SYT1: variants seen among roughly 807,000 people sequenced by gnomAD.
SYT1 encodes synaptotagmin-1.
Under a neutral mutation model 44.8 loss-of-function variants are expected in SYT1, and 8 were observed. The observed-to-expected ratio is 0.18, with a 90% CI of 0.10 to 0.32. The LOEUF (loss-of-function observed/expected upper bound fraction) is 0.32, where lower values mean the gene tolerates loss of function less well. Ranked by LOEUF, SYT1 falls within the 10% of genes least tolerant of loss-of-function variation. SYT1 has a pLI of 1.00. For synonymous variants in SYT1, 154 were observed against 188.8 expected, an observed-to-expected ratio of 0.82 and a Z score of 1.51; for missense variants, 286 against 509.3, an observed-to-expected ratio of 0.56 and a Z score of 4.22.
intron 9 of SYT1, among the ~76,000 whole-genome samples, chr12:79,375,558 A>T (rs1883960491): frequency 6.6e-6 from 1 of 152,228 alleles, no homozygotes. Flanking sequence ...CATGATTAGG[A>T]TCCCAGTTCT....
rs552760258 is a variant in SYT1 at position 79,329,724 on chromosome 12, C to T, written c.811-23778C>T. 3.9e-5 allele frequency among the ~76,000 whole-genome samples: 6 copies of T among 152,288 alleles called. No individual in the cohort carries two copies. The South Asian group carries it at 1.2e-3, about 32-fold the overall frequency. On this transcript the variant is annotated intron_variant, in intron 8 of 10. Coordinates refer to ENST00000261205, the MANE Select transcript of SYT1 (RefSeq NM_005639.3). ...TAAGTGGCAAGCCAGAGTTTCCAAG[C>T]TGTGTCTGTCTGACTTAAGGCTTCA...
At chr12:79,086,043 A>G (rs1030158340) in intron 3 of SYT1, among the ~76,000 whole-genome samples, 2 of 152,084 alleles carry the variant, frequency 1.3e-5, no homozygotes. Context: ...TTACTTAACT[A>G]CTCTACAAGC....
At chr12:79,027,880 C>G (rs896083584) in intron 2 of SYT1, among the ~76,000 whole-genome samples, 1 of 151,428 alleles carries the variant, frequency 6.6e-6, no homozygotes, top group Non-Finnish European at 1.5e-5. Flanking sequence ...CATCAACCAC[C>G]GGCCAAATTT....
chr12:79,196,080 G>C (rs1306761756), intron 3 of SYT1, among the ~76,000 whole-genome samples: 2 of 152,170 alleles, frequency 1.3e-5, no homozygotes, highest in African/African-American at 4.8e-5. Flanking sequence ...TGCCCAGCCA[G>C]GTAGTTAAGA....
At chr12:79,425,718 T>TTAAC (rs1178965558) in intron 9 of SYT1, among the ~76,000 whole-genome samples, 2 of 152,226 alleles carry the variant, frequency 1.3e-5, no homozygotes, top group African/African-American at 4.8e-5. Context: ...TACTTAAATT[T>TTAAC]TAACTCCAAA....
intron 1 of SYT1, among the ~76,000 whole-genome samples, chr12:78,875,540 A>G (rs1004969570): frequency 7.9e-5 from 12 of 151,644 alleles, no homozygotes; most frequent in South Asian, 2.1e-4. Flanking sequence ...CAGAAGCTCT[A>G]CAATGGGAAC....
At chr12:79,321,149 A>G (rs1292591020) in intron 8 of SYT1, among the ~76,000 whole-genome samples, 1 of 152,234 alleles carries the variant, frequency 6.6e-6, no homozygotes, top group Non-Finnish European at 1.5e-5. Flanking sequence ...TATTATTAAG[A>G]CAAATTTGCA....
intron 4 of SYT1, among the ~76,000 whole-genome samples, chr12:79,242,993 A>G (rs1037239761): frequency 3.3e-5 from 5 of 152,232 alleles, no homozygotes; most frequent in African/African-American, 4.8e-5. Context: ...ATCATGGCAG[A>G]AGATGAAGGA....
In SYT1 at chr12:79,292,024, A is replaced by C. The variant is rs764257742; in HGVS notation, c.368A>C (p.Asp123Ala). Residue 123 changes from aspartate to alanine, a missense_variant, in exon 6 of 11, where the codon GAT (aspartate) becomes GCT (alanine). Coordinates refer to ENST00000261205, the MANE Select transcript of SYT1 (RefSeq NM_005639.3). ...TMKDQALKDD[D>A]AETGLTDGEE... ...TATACATAGGCCCTCAAGGATGATG[A>C]TGCTGAAACTGGATTGACAGATGGA... The C allele has an allele frequency of 2.5e-6, 4 of 1,613,980 alleles. No individual in the cohort carries two copies. Among genetic ancestry groups the C allele is most frequent in the South Asian group, 1.1e-5 (1 of 91,064 alleles).
At chr12:79,187,298 T>A (rs1020961073) in intron 3 of SYT1, among the ~76,000 whole-genome samples, 10 of 152,080 alleles carry the variant, frequency 6.6e-5, no homozygotes, top group Admixed American at 1.3e-4. Context: ...GTGGGAATAA[T>A]AGGAAGGTCT....
At chr12:79,242,386 T>C (rs926151435) in intron 4 of SYT1, among the ~76,000 whole-genome samples, 2 of 152,164 alleles carry the variant, frequency 1.3e-5, no homozygotes, top group Non-Finnish European at 2.9e-5. Flanking sequence ...TTGGATTGTG[T>C]GAGGACAAGG....
chr12:79,314,213 A>G (rs11830296), intron 8 of SYT1, among the ~76,000 whole-genome samples: 5,052 of 151,786 alleles, frequency 0.033, 155 homozygotes, highest in East Asian at 0.11. Context: ...TTTGTTATTA[A>G]AAACATTGGT....
At chr12:78,993,796 T>G (rs781464791) in intron 2 of SYT1, among the ~76,000 whole-genome samples, 3 of 152,170 alleles carry the variant, frequency 2.0e-5, no homozygotes, top group Non-Finnish European at 2.9e-5. Context: ...CAATATGCAA[T>G]TGCTTTTAAG....
intron 1 of SYT1, among the ~76,000 whole-genome samples, chr12:78,901,466 G>A (rs1776126039): frequency 6.6e-6 from 1 of 151,980 alleles, no homozygotes; most frequent in Non-Finnish European, 1.5e-5. Context: ...AGCAAAGGGA[G>A]GTCTTTTATA....
rs199701558 is a variant in SYT1 at position 79,296,039 on chromosome 12, A to G, written c.475-30A>G. ...TTTTCCAAAATGTCCACTGATATTT[A>G]TGTATGCTGTATTCTGTCATTTATT... On this transcript the variant is annotated intron_variant, in intron 6 of 10. Coordinates refer to ENST00000261205, the MANE Select transcript of SYT1 (RefSeq NM_005639.3). 3.2e-6 allele frequency: 5 copies of G among 1,580,386 alleles called. No homozygotes were observed. The South Asian group carries it at 3.5e-5, about 11-fold the overall frequency.
At chr12:79,026,560 T>C (rs1872537464) in intron 2 of SYT1, among the ~76,000 whole-genome samples, 1 of 150,036 alleles carries the variant, frequency 6.7e-6, no homozygotes, top group Non-Finnish European at 1.5e-5. Flanking sequence ...GGTTTTTAGC[T>C]ATTAGAATAT....
At chr12:79,078,101 A>G (rs746642078) in intron 3 of SYT1, among the ~76,000 whole-genome samples, 4 of 152,302 alleles carry the variant, frequency 2.6e-5, no homozygotes, top group Admixed American at 2.6e-4. Flanking sequence ...AAGCTTCACT[A>G]GAACTATAAA....
intron 3 of SYT1, among the ~76,000 whole-genome samples, chr12:79,120,274 G>A (rs1879523628): frequency 6.6e-6 from 1 of 151,986 alleles, no homozygotes; most frequent in South Asian, 2.1e-4. Context: ...GGAACAATAA[G>A]ACACTGTGGA....
chr12:79,097,525 C>T (rs78005227), intron 3 of SYT1, among the ~76,000 whole-genome samples: 5,174 of 152,084 alleles, frequency 0.034, 177 homozygotes, highest in South Asian at 0.11. Context: ...TATAGAAACA[C>T]ATGTTTCCCT....
Sources: allele counts gnomAD v4.1 joint callset (sites outside exome capture counted in the v4.1 genomes callset), GRCh38; gene constraint gnomAD v4.1.1; transcripts MANE v1.5; gene names NCBI Gene and HGNC (gene_info 2026-07-23, HGNC 2026-07-21).